UTRN: variants seen among roughly 807,000 people sequenced by gnomAD.
UTRN encodes the protein dystrophin-related protein 1.
In UTRN, 283 loss-of-function variants were observed where a neutral mutation model predicts 463.9. That is an observed-to-expected ratio of 0.61 (90% CI 0.55 to 0.67). The LOEUF (loss-of-function observed/expected upper bound fraction) is 0.67, where lower values mean the gene tolerates loss of function less well. UTRN is among the 30% of genes least tolerant of loss of function. UTRN has a pLI of 0.00. For synonymous variants in UTRN, 1,442 were observed against 1,431.5 expected (o/e 1.01, Z -0.17); for missense variants, 3,922 against 4,084.3 (o/e 0.96, Z 1.08).
chr6:144,525,366 T>C (rs1796478158), intron 41 of UTRN, among the ~76,000 whole-genome samples: 1 of 152,132 alleles, frequency 6.6e-6, no homozygotes, highest in Non-Finnish European at 1.5e-5. Flanking sequence ...TCTTGCTGCT[T>C]GTTATTGGTC....
At chr6:144,787,094 C>G (rs963868515) in intron 61 of UTRN, among the ~76,000 whole-genome samples, 6 of 152,082 alleles carry the variant, frequency 3.9e-5, no homozygotes, top group Non-Finnish European at 5.9e-5. Flanking sequence ...ACCATTTTTC[C>G]CTGTAGGGAT....
chr6:144,766,152 C>T (rs1008097307), intron 58 of UTRN, among the ~76,000 whole-genome samples: 2 of 151,914 alleles, frequency 1.3e-5, no homozygotes, highest in Admixed American at 6.6e-5. Flanking sequence ...CACACAAGCA[C>T]GTGCACAGAG....
intron 2 of UTRN, among the ~76,000 whole-genome samples, chr6:144,293,486 T>G (rs937659760): frequency 2.6e-5 from 4 of 152,138 alleles, no homozygotes; most frequent in African/African-American, 9.7e-5. Flanking sequence ...TTGGCAAAAA[T>G]GATAACATGT....
chr6:144,699,593 CCT>C (rs548110412), intron 52 of UTRN, among the ~76,000 whole-genome samples: 5 of 132,622 alleles, frequency 3.8e-5, no homozygotes, highest in South Asian at 2.4e-4. Flanking sequence ...TGGTTATTTT[CCT>C]CTCTCTCTCT....
intron 51 of UTRN, among the ~76,000 whole-genome samples, chr6:144,661,253 A>G (rs779352226): frequency 6.6e-6 from 1 of 152,216 alleles, no homozygotes; most frequent in Non-Finnish European, 1.5e-5. Flanking sequence ...TGCCAGAGGG[A>G]AAAGATGCAA....
chr6:144,746,060 G>A (rs1451543093), intron 54 of UTRN, among the ~76,000 whole-genome samples: 1 of 151,712 alleles, frequency 6.6e-6, no homozygotes, highest in East Asian at 1.9e-4. Flanking sequence ...GAGTACAGTG[G>A]CACATTATCG....
chr6:144,467,741 G>A (rs2128564766), intron 23 of UTRN, among the ~76,000 whole-genome samples: 1 of 152,112 alleles, frequency 6.6e-6, no homozygotes, highest in South Asian at 2.1e-4. Flanking sequence ...CCCTTCTTAG[G>A]TAACATATAA....
chr6:144,671,705 G>A (rs1180565989), intron 51 of UTRN, among the ~76,000 whole-genome samples: 3 of 152,102 alleles, frequency 2.0e-5, no homozygotes, highest in African/African-American at 7.2e-5. Context: ...TTGAATAGAA[G>A]TGATGAAAGT....
chr6:144,381,685 A>T (rs1265280565), intron 2 of UTRN, among the ~76,000 whole-genome samples: 1 of 152,210 alleles, frequency 6.6e-6, no homozygotes, highest in Non-Finnish European at 1.5e-5. Flanking sequence ...GTTTCCCTGC[A>T]CAAGCTCTCT....
At position 144,835,635 on chromosome 6, in the gene UTRN, T is replaced by A. The variant is rs1426221305; in HGVS notation, c.9666-145T>A. ...CTAGATGAACTTCTTCCTAGAGTTTTAAAAGGGAGGTCATGGAGACACTGA... is the reference window on the plus strand; with the variant it reads ...CTAGATGAACTTCTTCCTAGAGTTTAAAAAGGGAGGTCATGGAGACACTGA... On this transcript the variant is annotated intron_variant, in intron 69 of 74. Coordinates refer to ENST00000367545, the MANE Select transcript of UTRN (RefSeq NM_007124.3). 4.0e-6 allele frequency: 4 copies of A among 1,002,456 alleles called. No homozygotes were observed. In the African/African-American group the frequency reaches 6.5e-5, roughly 16 times the overall value. The allele number at this position is 1,002,456 out of a possible 1,614,324, so 62.1% of individuals were successfully genotyped here.
chr6:144,404,470 C>T (rs1783211505), intron 3 of UTRN, among the ~76,000 whole-genome samples: 1 of 152,114 alleles, frequency 6.6e-6, no homozygotes, highest in South Asian at 2.1e-4. Context: ...AACTGGGAGT[C>T]TGGATATGAG....
At chr6:144,555,813 G>T (rs1289868552) in intron 49 of UTRN, among the ~76,000 whole-genome samples, 1 of 152,192 alleles carries the variant, frequency 6.6e-6, no homozygotes, top group Non-Finnish European at 1.5e-5. Context: ...GATTGGACAT[G>T]AGATTTGGGT....
intron 51 of UTRN, among the ~76,000 whole-genome samples, chr6:144,648,969 G>A (rs1191232892): frequency 6.6e-6 from 1 of 152,114 alleles, no homozygotes; most frequent in East Asian, 1.9e-4. Context: ...CTCCCTTGGG[G>A]TGACAAGGAA....
chr6:144,750,346 C>T (rs1333640523), intron 55 of UTRN, among the ~76,000 whole-genome samples: 2 of 152,152 alleles, frequency 1.3e-5, no homozygotes, highest in African/African-American at 4.8e-5. Flanking sequence ...AAAACTATCT[C>T]AACTCTTCTT....
intron 9 of UTRN, among the ~76,000 whole-genome samples, chr6:144,430,609 C>A (rs569505189): frequency 2.6e-4 from 39 of 152,252 alleles, no homozygotes; most frequent in African/African-American, 9.4e-4. Context: ...GTTTTGTCTG[C>A]AAAATGTGGT....
rs545857425 is a variant in UTRN, at chr6:144,819,486, G to A, written c.9358-1396G>A. Among the ~76,000 whole-genome samples the A allele has an allele frequency of 6.6e-5, 10 of 152,162 alleles. No individual in the cohort carries two copies. In the East Asian group the frequency reaches 1.7e-3, roughly 27 times the overall value. On this transcript the variant is annotated intron_variant, in intron 65 of 74. Transcript: ENST00000367545. ...GAGGCAGGTGAATCACTTGAGGTCA[G>A]GAGTTTGAGACCAGCCTGGCCAACA...
chr6:144,696,288 T>C (rs1325487380), intron 52 of UTRN, among the ~76,000 whole-genome samples: 1 of 152,098 alleles, frequency 6.6e-6, no homozygotes, highest in African/African-American at 2.4e-5. Context: ...TAGAACTTTC[T>C]CCAATGATAG....
chr6:144,480,080 C>T (rs1461273613), intron 26 of UTRN, 98 bp downstream of exon 26: 1 of 1,334,822 alleles, frequency 7.5e-7, no homozygotes, highest in African/African-American at 1.5e-5. Flanking sequence ...ACACTATGTG[C>T]ATGTAGCATC....
intron 54 of UTRN, among the ~76,000 whole-genome samples, chr6:144,746,960 T>G (rs1790814868): frequency 6.6e-6 from 1 of 152,202 alleles, no homozygotes; most frequent in Admixed American, 6.5e-5. Context: ...TGTCTAGAAT[T>G]TTTTTGAAAT....
Sources: gnomAD v4.1 joint callset for allele counts (sites outside exome capture counted in the v4.1 genomes callset) on GRCh38, gnomAD v4.1.1 for gene constraint, MANE v1.5 for transcripts, NCBI Gene and HGNC (gene_info 2026-07-23, HGNC 2026-07-21) for gene names.